Variants in CDH24 observed in about 807,000 individuals in gnomAD.
CDH24 encodes the protein cadherin 24, also known as cadherin-24.
Under a neutral mutation model 71.2 loss-of-function variants are expected in CDH24, and 61 were observed. The ratio of observed to expected loss-of-function variants is 0.86; its 90% CI spans 0.70 to 1.06. The LOEUF (loss-of-function observed/expected upper bound fraction) is 1.06, where lower values mean the gene tolerates loss of function less well. Among genes scored for constraint, CDH24 ranks in the 50% least tolerant of loss-of-function variants. The probability of loss-of-function intolerance (pLI) is 0.00; values close to 1 mark genes in which losing one functional copy is unlikely to be tolerated. For synonymous variants in CDH24, 440 were observed against 470.2 expected (o/e 0.94, Z 0.83); for missense variants, 961 against 1,083.7 (o/e 0.89, Z 1.59).
rs2047121842 is a variant in CDH24 at position 23,055,497 on chromosome 14, T to C, written c.201+36A>G. On this transcript the variant is annotated intron_variant, in intron 2 of 12. Coordinates refer to ENST00000487137, the MANE Select transcript of CDH24 (RefSeq NM_144985.4). The surrounding 1 kb of genome is among the most constrained non-coding windows in gnomAD (Gnocchi z 4.1). The stretch of plus-strand genomic sequence containing the variant: ...AGTTGCAGGGCAGGGCCTGAGGGCT[T>C]GGTGTCAGAGTAGACATGGGAGGGG... 1 of 1,608,374 alleles carries C rather than the reference T, an allele frequency of 6.2e-7. No homozygotes were observed. Among genetic ancestry groups the C allele is most frequent in the Admixed American group, 1.7e-5 (1 of 59,734 alleles).
In CDH24 at chr14:23,053,720, G is replaced by A. The variant is rs1226870462; in HGVS notation, c.1002C>T (p.Tyr334=). 4.3e-6 allele frequency: 7 copies of A among 1,610,954 alleles called. No individual in the cohort carries two copies. In the South Asian group the frequency reaches 7.7e-5, roughly 18 times the overall value. ...TGTTGGTGGCCTCGACACGGAAGGA[G>A]TAGGAGCGCTGGCTCTCAAAGTCTA... ...KPLDFESQRS[Y]SFRVEATNTL... The change falls in exon 7 of 13, where the codon TAC becomes TAT. Residue 334 remains tyrosine, a synonymous_variant. Coordinates refer to ENST00000487137, the MANE Select transcript of CDH24 (RefSeq NM_144985.4).
intron 8 of CDH24, among the ~76,000 whole-genome samples, chr14:23,050,408 C>T (rs2047077226): frequency 1.3e-5 from 2 of 152,118 alleles, no homozygotes; most frequent in Non-Finnish European, 2.9e-5. Context: ...CCACATCCCC[C>T]GACAACACCC....
chr14:23,049,583 G>A, intron 10 of CDH24, 44 bp downstream of exon 10: 1 of 1,179,252 alleles, frequency 8.5e-7, no homozygotes. Flanking sequence ...AGGAGGAGAA[G>A]GGGACAGAGG....
chr14:23,052,472 C>T lies in CDH24; in HGVS notation c.1363+1G>A. The T allele has an allele frequency of 6.2e-7, 1 of 1,613,622 alleles. No homozygotes were observed. Among genetic ancestry groups the T allele is most frequent in the Non-Finnish European group, 8.5e-7 (1 of 1,179,952 alleles). ...CGCCTTGTGGGCCCTGGAGTCCTCA[C>T]CGAGCTCTGTAGCCAGCACAGTGAG... On this transcript the variant is annotated splice_donor_variant, in intron 8 of 12. Transcript: ENST00000487137. LOFTEE classifies it high-confidence loss of function.
intron 11 of CDH24, 132 bp downstream of exon 11, chr14:23,048,895 G>T: frequency 1.0e-6 from 1 of 1,001,430 alleles, no homozygotes. Context: ...GATGCATCAG[G>T]TGGTGGGAAA....
Position 23,051,879 on chromosome 14 carries a change from G to T in CDH24, c.1363+594C>A, listed in dbSNP as rs1299184037. 2 of 693,768 alleles carry T rather than the reference G, an allele frequency of 2.9e-6. No individual in the cohort carries two copies. Among genetic ancestry groups the T allele is most frequent in the Non-Finnish European group, 4.8e-6 (2 of 413,452 alleles). The allele number at this position is 693,768 out of a possible 1,614,324, so 43.0% of individuals were successfully genotyped here. On this transcript the variant is annotated intron_variant, in intron 8 of 12. Transcript: ENST00000487137. This position sits in a 1 kb window ranked among gnomAD's most constrained non-coding sequence, Gnocchi z 4.4. ...TCTGTATGGGCTAGGGCTGCCCAGA[G>T]GCAGCTGAACCCGCTGCTGGCCTGA...
chr14:23,048,107 AG>A lies in CDH24; in HGVS notation c.2218del (p.Leu740SerfsTer63). ...TTCGCTGCCGGAGCCCAGGGAGCTGAGGGAGCCGCAAGAGGAGCCGCGGCCC... is the reference window on the plus strand; with the variant it reads ...TTCGCTGCCGGAGCCCAGGGAGCTGAGGAGCCGCAAGAGGAGCCGCGGCCC... The part of the protein sequence containing the change: ...YEGRGSSCGS[L>X]SSLGSGSEAG... On this transcript the variant is annotated frameshift_variant, in exon 12 of 13. Coordinates refer to ENST00000487137, the MANE Select transcript of CDH24 (RefSeq NM_144985.4). LOFTEE classifies it high-confidence loss of function. The A allele has an allele frequency of 7.1e-7, 1 of 1,408,848 alleles. No homozygotes were observed. Among genetic ancestry groups the A allele is most frequent in the South Asian group, 1.5e-5 (1 of 68,474 alleles). 87.3% of individuals were successfully genotyped at this position (1,408,848 alleles called of 1,614,324 possible). A position where few individuals can be genotyped will look rare whatever the true frequency, so the allele number is the denominator to read the frequency against.
rs1307845491 is a variant in CDH24 at position 23,048,148 on chromosome 14, C to T, written c.2178G>A (p.Gln726=). ...DPGVPPYDSV[Q]VYGYEGRGSS... Reference sequence around the variant, plus strand: ...AGCCGCGGCCCTCGTAGCCGTACACCTGCACCGAGTCGTACGGGGGTACGC... The same window carrying T: ...AGCCGCGGCCCTCGTAGCCGTACACTTGCACCGAGTCGTACGGGGGTACGC... Residue 726 remains glutamine, a synonymous_variant, in exon 12 of 13, where the codon CAG becomes CAA. Coordinates refer to ENST00000487137, the MANE Select transcript of CDH24 (RefSeq NM_144985.4). The T allele has an allele frequency of 3.7e-5, 51 of 1,382,172 alleles. No individual in the cohort carries two copies. Among genetic ancestry groups the T allele is most frequent in the Middle Eastern group, 2.7e-4 (1 of 3,770 alleles). The allele number at this position is 1,382,172 out of a possible 1,614,324, so 85.6% of individuals were successfully genotyped here.
rs754094790 is a variant in CDH24 at position 23,048,363 on chromosome 14, C to T, written c.1963G>A (p.Glu655Lys). ...GTGATGTCGAAGGCCTCGGTGTCCT[C>T]CTCGCCGCCGCCCTCGTCGTCGTAG... The part of the protein sequence containing the change: ...ITYDDEGGGE[E>K]DTEAFDITAL... Residue 655 changes from glutamate to lysine, a missense_variant, in exon 12 of 13, where the codon GAG (glutamate) becomes AAG (lysine). By Grantham distance (56) the Glu-to-Lys change is moderately conservative. Around this residue, in one of 2 missense-constraint regions of CDH24, gnomAD observed 290 missense variants for 272.8 expected, o/e 1.06. Coordinates refer to ENST00000487137, the MANE Select transcript of CDH24 (RefSeq NM_144985.4). The T allele has an allele frequency of 4.3e-6, 7 of 1,612,142 alleles. No homozygotes were observed. In the East Asian group the frequency reaches 1.1e-4, roughly 26 times the overall value.
chr14:23,052,280 G>T, intron 8 of CDH24, 193 bp downstream of exon 8: 1 of 761,410 alleles, frequency 1.3e-6, no homozygotes, highest in Non-Finnish European at 2.2e-6. Context: ...CTGCCTGGTA[G>T]CAAGGATCCA....
In CDH24 at chr14:23,055,309, C is replaced by T. The variant is rs570250634; in HGVS notation, c.246G>A (p.Leu82=). The change falls in exon 3 of 13, where the codon CTG becomes CTA. Residue 82 remains leucine (L), a synonymous_variant. Transcript: ENST00000487137. This position sits in a 1 kb window ranked among gnomAD's most constrained non-coding sequence, Gnocchi z 4.1. ...CGGTGCCTGCCCCCTCCCCGGTCAA[C>T]AGGTACTTGGTGCGGCCCTCTCCCC... ...VDRGEGRTKY[L]LTGEGAGTVF... 6.2e-7 allele frequency: 1 copy of T among 1,611,490 alleles called. No individual in the cohort carries two copies. Among genetic ancestry groups the T allele is most frequent in the Admixed American group, 1.7e-5 (1 of 59,982 alleles).
Position 23,055,639 on chromosome 14 carries a change from C to A in CDH24, c.95G>T (p.Arg32Leu). The A allele has an allele frequency of 6.2e-7, 1 of 1,612,414 alleles. No homozygotes were observed. ...CAGCAGAGCAGGCCCTGGGTGTTCC[C>A]GGGACCCTGCCCAGGCCCGGGCTGG... ...AAPARAWAGS[R>L]EHPGPALLRT... is the part of the protein sequence containing the mutation. The change falls in exon 2 of 13, where the codon CGG (arginine) becomes CTG (leucine). Residue 32 changes from arginine (R) to leucine (L), a missense_variant. Arg to Leu is a moderately radical substitution (Grantham distance 102). Transcript: ENST00000487137. This position sits in a 1 kb window ranked among gnomAD's most constrained non-coding sequence, Gnocchi z 4.1.
In CDH24 at chr14:23,047,989, C is replaced by G. The variant is rs1318569399; in HGVS notation, c.2337G>C (p.Pro779=). The G allele has an allele frequency of 8.8e-6, 12 of 1,363,532 alleles. No individual in the cohort carries two copies. Among genetic ancestry groups the G allele is most frequent in the Non-Finnish European group, 1.1e-5 (12 of 1,062,734 alleles). The allele number at this position is 1,363,532 out of a possible 1,614,324, so 84.5% of individuals were successfully genotyped here. Residue 779 remains proline, a synonymous_variant, in exon 12 of 13, where the codon CCG becomes CCC. Coordinates refer to ENST00000487137, the MANE Select transcript of CDH24 (RefSeq NM_144985.4). The part of the protein sequence containing the change: ...LAELYGAKEP[P]AP ...GGGCCAGCCCGGGCGCTCAGGGGGC[C>G]GGGGGCTCCTTGGCCCCATACAGCT...
At position 23,048,061 on chromosome 14, in the gene CDH24, G is replaced by C; in HGVS notation, c.2265C>G (p.Pro755=). The C allele has an allele frequency of 1.4e-6, 2 of 1,435,332 alleles. No homozygotes were observed. Among genetic ancestry groups the C allele is most frequent in the Non-Finnish European group, 1.8e-6 (2 of 1,099,248 alleles). 88.9% of individuals were successfully genotyped at this position (1,435,332 alleles called of 1,614,324 possible). A position where few individuals can be genotyped will look rare whatever the true frequency, so the allele number is the denominator to read the frequency against. Reference sequence around the variant, plus strand: ...GACCCCAGTCGTCCAGCGGCTCCGCGGGGCCGGGGGCGCCGCCGGCTTCGC... The same window carrying C: ...GACCCCAGTCGTCCAGCGGCTCCGCCGGGCCGGGGGCGCCGCCGGCTTCGC... ...SGSEAGGAPG[P]AEPLDDWGPL... Residue 755 remains proline, a synonymous_variant, in exon 12 of 13, where the codon CCC becomes CCG. Coordinates refer to ENST00000487137, the MANE Select transcript of CDH24 (RefSeq NM_144985.4).
chr14:23,053,548 G>C lies in CDH24; in HGVS notation c.1174C>G (p.Leu392Val), dbSNP rs377064007. 41 of 1,606,538 alleles carry C rather than the reference G, an allele frequency of 2.6e-5. No individual in the cohort carries two copies. Among genetic ancestry groups the C allele is most frequent in the Middle Eastern group, 3.3e-4 (2 of 6,048 alleles). ...TVPENKAPGTLVGQISAADLD... is the reference protein window; with the variant it reads ...TVPENKAPGTVVGQISAADLD... ...TCAGCCGCGGAGATCTGGCCTACCA[G>C]GGTCCCCGGGGCCTTGTTCTCAGGC... is the stretch of plus-strand genomic sequence containing the variant. Residue 392 changes from leucine (L) to valine (V), a missense_variant, in exon 7 of 13, where the codon CTG becomes GTG. Physicochemically the swap from Leu to Val is conservative, Grantham distance 32. Around this residue, in one of 2 missense-constraint regions of CDH24, gnomAD observed 671 missense variants for 810.9 expected, o/e 0.83. Coordinates refer to ENST00000487137, the MANE Select transcript of CDH24 (RefSeq NM_144985.4).
rs867775788 is a variant in CDH24 at position 23,048,167 on chromosome 14, G to C, written c.2159C>G (p.Pro720Arg). Residue 720 changes from proline (P) to arginine (R), a missense_variant, in exon 12 of 13, where the codon CCC (proline) becomes CGC (arginine). Transcript: ENST00000487137. ...GTACACCTGCACCGAGTCGTACGGGGGTACGCCGGGGTCCTCGTCCGCCTC... is the reference window on the plus strand; with the variant it reads ...GTACACCTGCACCGAGTCGTACGGGCGTACGCCGGGGTCCTCGTCCGCCTC... Reference protein sequence around the residue: ...LREADEDPGVPPYDSVQVYGY... With the variant: ...LREADEDPGVRPYDSVQVYGY... The C allele has an allele frequency of 7.4e-7, 1 of 1,354,760 alleles. No homozygotes were observed. Among genetic ancestry groups the C allele is most frequent in the Non-Finnish European group, 9.5e-7 (1 of 1,050,554 alleles). 83.9% of individuals were successfully genotyped at this position (1,354,760 alleles called of 1,614,324 possible). A position where few individuals can be genotyped will look rare whatever the true frequency, so the allele number is the denominator to read the frequency against.
Position 23,048,314 on chromosome 14 carries a change from G to A in CDH24, c.2012C>T (p.Ala671Val), listed in dbSNP as rs150958098. The change falls in exon 12 of 13, where the codon GCG becomes GTG. Residue 671 changes from alanine (A) to valine (V), a missense_variant. By Grantham distance (64) the Ala-to-Val change is moderately conservative. Around this residue, in one of 2 missense-constraint regions of CDH24, gnomAD observed 290 missense variants for 272.8 expected, o/e 1.06. Transcript: ENST00000487137. ...DITALQNPDG[A>V]APPAPGPPAR... ...GGGAGGGCCGGGCGCCGGGGGGGCCGCCCCGTCCGGGTTCTGCAAGGCCGT... is the reference window on the plus strand; with the variant it reads ...GGGAGGGCCGGGCGCCGGGGGGGCCACCCCGTCCGGGTTCTGCAAGGCCGT... 1 of 1,606,510 alleles carries A rather than the reference G, an allele frequency of 6.2e-7. No individual in the cohort carries two copies. Among genetic ancestry groups the A allele is most frequent in the Non-Finnish European group, 8.5e-7 (1 of 1,177,758 alleles).
intron 10 of CDH24, 91 bp downstream of exon 10, chr14:23,049,536 G>A (rs1173434879): frequency 7.4e-6 from 6 of 811,844 alleles, no homozygotes; most frequent in Non-Finnish European, 1.2e-5. Flanking sequence ...CGAGGCAGGT[G>A]GGGCAGGGGT....
At chr14:23,048,957 A>C in intron 11 of CDH24, 70 bp downstream of exon 11, 2 of 1,539,056 alleles carry the variant, frequency 1.3e-6, no homozygotes, top group Non-Finnish European at 8.8e-7. Flanking sequence ...CTGTGTCCAG[A>C]GGCCTGGTTC....
Sources: allele counts gnomAD v4.1 joint callset (sites outside exome capture counted in the v4.1 genomes callset), GRCh38; gene constraint gnomAD v4.1.1; regional missense constraint gnomAD v4.1.1; non-coding constraint Gnocchi (gnomAD v3.1); transcripts MANE v1.5; gene names NCBI Gene and HGNC (gene_info 2026-07-23, HGNC 2026-07-21).